Variants in TMTC4 observed in about 807,000 individuals in gnomAD.
The protein encoded by TMTC4 is transmembrane O-mannosyltransferase targeting cadherins 4.
TMTC4 carries 65 observed loss-of-function variants against 86.0 expected under a neutral mutation model. The observed-to-expected ratio is 0.76, with a 90% CI of 0.62 to 0.93. The LOEUF is 0.93. Among genes scored for constraint, TMTC4 ranks in the 40% least tolerant of loss-of-function variants. The pLI, the probability that TMTC4 is intolerant of heterozygous loss-of-function variation, is 0.00. For missense variants in TMTC4, 866 were observed against 948.1 expected, an observed-to-expected ratio of 0.91 and a Z score of 1.14; for synonymous variants, 379 against 382.5, an observed-to-expected ratio of 0.99 and a Z score of 0.11.
chr13:100,643,272 C>T (rs533728956), intron 6 of TMTC4, among the ~76,000 whole-genome samples: 12 of 152,210 alleles, frequency 7.9e-5, no homozygotes, highest in Non-Finnish European at 1.5e-4. Context: ...ATTGTTAGCT[C>T]GCCTGGCATT....
chr13:100,657,459 A>T (rs1386723096), intron 5 of TMTC4, among the ~76,000 whole-genome samples: 1 of 152,256 alleles, frequency 6.6e-6, no homozygotes. Flanking sequence ...TTCCTCAGTA[A>T]GAATGAAGCA....
intron 1 of TMTC4, 132 bp from the exon 2 acceptor site, chr13:100,670,701 C>G (rs1483561377): frequency 3.9e-6 from 1 of 257,458 alleles, no homozygotes; most frequent in Non-Finnish European, 7.3e-6. Context: ...GTAATCCCAG[C>G]ACTTTGGGAG....
chr13:100,614,826 AGT>A (rs1214093344), intron 15 of TMTC4: 1 of 646,062 alleles, frequency 1.5e-6, no homozygotes, highest in Admixed American at 6.3e-5. Flanking sequence ...CCTCATCATT[AGT>A]CTTTTTCACT....
chr13:100,607,527 A>G (rs1346025698), intron 17 of TMTC4, among the ~76,000 whole-genome samples: 1 of 151,922 alleles, frequency 6.6e-6, no homozygotes, highest in African/African-American at 2.4e-5. Flanking sequence ...AAAAAAAAAA[A>G]AAAAATCGGT....
intron 6 of TMTC4, among the ~76,000 whole-genome samples, chr13:100,645,421 C>T (rs1178363199): frequency 6.6e-6 from 1 of 152,242 alleles, no homozygotes; most frequent in Non-Finnish European, 1.5e-5. Context: ...CTGCAATTCA[C>T]TTGTTTCCTT....
intron 1 of TMTC4, 63 bp downstream of exon 1, chr13:100,674,681 C>T: frequency 1.0e-6 from 1 of 983,260 alleles, no homozygotes; most frequent in Non-Finnish European, 1.2e-6. Flanking sequence ...CGCGCCCGCT[C>T]CGCGTCCAAC....
At chr13:100,644,746 T>C (rs1323633807) in intron 6 of TMTC4, among the ~76,000 whole-genome samples, 1 of 152,252 alleles carries the variant, frequency 6.6e-6, no homozygotes, top group African/African-American at 2.4e-5. Flanking sequence ...TTTAAAGCTT[T>C]TCACAAGGCC....
At chr13:100,674,261 C>T (rs1255264724) in intron 1 of TMTC4, 1 of 979,522 alleles carries the variant, frequency 1.0e-6, no homozygotes, top group Non-Finnish European at 1.2e-6. Context: ...GGGGGAGCCG[C>T]CGCGGAACCC....
At chr13:100,638,732 C>T (rs1231791166) in intron 7 of TMTC4, 1 of 152,230 alleles carries the variant, frequency 6.6e-6, no homozygotes, top group Non-Finnish European at 1.5e-5. Context: ...ACTTGGTTTC[C>T]CCTTCCAGCT....
intron 6 of TMTC4, among the ~76,000 whole-genome samples, chr13:100,655,058 G>A (rs1456510796): frequency 7.9e-6 from 1 of 126,452 alleles, no homozygotes; most frequent in Non-Finnish European, 1.6e-5. Context: ...GTGTCACTCT[G>A]TCACCCAGGC....
chr13:100,656,633 C>G (rs1449432452), intron 5 of TMTC4, among the ~76,000 whole-genome samples, 165 bp from the exon 6 acceptor site: 1 of 149,198 alleles, frequency 6.7e-6, no homozygotes, highest in East Asian at 2.0e-4. Flanking sequence ...GCCTCAACCC[C>G]CCTGGGCTCA....
chr13:100,663,010 A>C lies in TMTC4; in HGVS notation c.506T>G (p.Leu169Arg), dbSNP rs753665080. The change falls in exon 5 of 19, where the codon CTG (leucine) becomes CGG (arginine). Residue 169 changes from leucine to arginine, a missense_variant. By Grantham distance (102) the Leu-to-Arg change is moderately radical. Transcript: ENST00000342624. ...GACAGCAAACAGCAGCGCGGCCAGC[A>C]GGGACGCCCTGGGGGCGAGGTGCAG... ...RRLHLAPRAS[L>R]LAALLFAVHP... The C allele has an allele frequency of 1.2e-6, 2 of 1,614,156 alleles. No homozygotes were observed. Among genetic ancestry groups the C allele is most frequent in the Non-Finnish European group, 1.7e-6 (2 of 1,180,010 alleles).
At chr13:100,614,211 TAAACTCA>T in intron 16 of TMTC4, 98 bp downstream of exon 16, 1 of 822,130 alleles carries the variant, frequency 1.2e-6, no homozygotes, top group Admixed American at 2.6e-5. Flanking sequence ...AATTTTTTTT[TAAACTCA>T]GTAGGAAAAA....
At position 100,604,858 on chromosome 13, in the gene TMTC4, A is replaced by C. The variant is rs1328972900; in HGVS notation, c.*136T>G. ...ATTGCTGGTGCTATAATCTTTTTGC[A>C]TGTCTTTGTTTTCATAGAAAAAAAT... On this transcript the variant is annotated 3_prime_UTR_variant, in exon 19 of 19. Coordinates refer to ENST00000342624, the MANE Select transcript of TMTC4 (RefSeq NM_032813.5). The C allele has an allele frequency of 3.1e-6, 3 of 970,468 alleles. No individual in the cohort carries two copies. Among genetic ancestry groups the C allele is most frequent in the Non-Finnish European group, 4.3e-6 (3 of 700,512 alleles). The allele number at this position is 970,468 out of a possible 1,614,324, so 60.1% of individuals were successfully genotyped here.
At chr13:100,621,410 AAAG>A (rs1180965343) in intron 15 of TMTC4, among the ~76,000 whole-genome samples, 3 of 152,294 alleles carry the variant, frequency 2.0e-5, no homozygotes, top group South Asian at 2.1e-4. Flanking sequence ...AAAAGGGATG[AAAG>A]AAGAATTCTT....
Position 100,673,065 on chromosome 13 carries a change from A to G in TMTC4, c.-208+1679T>C, listed in dbSNP as rs1887334138. Among the ~76,000 whole-genome samples, 4 of 152,340 alleles carry G rather than the reference A, an allele frequency of 2.6e-5. No individual in the cohort carries two copies. In the South Asian group the frequency reaches 8.3e-4, roughly 32 times the overall value. ...CTACCTGACTCCTGCGACAGAATCA[A>G]CTGGCCCCTCAACAGGGGCTGAATC... On this transcript the variant is annotated intron_variant, in intron 1 of 18. Coordinates refer to ENST00000342624, the MANE Select transcript of TMTC4 (RefSeq NM_032813.5).
At chr13:100,674,843 GC>G, upstream of TMTC4, 1 of 972,692 alleles carries the variant, frequency 1.0e-6, no homozygotes, top group Non-Finnish European at 1.2e-6. Flanking sequence ...GGGGCCGCCC[GC>G]CGCGCACCCG....
intron 6 of TMTC4, among the ~76,000 whole-genome samples, chr13:100,655,677 G>A (rs1194326791): frequency 6.6e-6 from 1 of 152,220 alleles, no homozygotes; most frequent in South Asian, 2.1e-4. Context: ...TACCACCACT[G>A]TTCTCAATAC....
chr13:100,659,204 C>T (rs1325575094), intron 5 of TMTC4, among the ~76,000 whole-genome samples: 3 of 152,160 alleles, frequency 2.0e-5, no homozygotes, highest in African/African-American at 7.2e-5. Flanking sequence ...GGTTTCCCCT[C>T]CCGATTCCTT....
Sources: gnomAD v4.1 joint callset for allele counts (sites outside exome capture counted in the v4.1 genomes callset) on GRCh38, gnomAD v4.1.1 for gene constraint, MANE v1.5 for transcripts, NCBI Gene and HGNC (gene_info 2026-07-23, HGNC 2026-07-21) for gene names.